Variants in CCR6 observed in about 807,000 individuals in gnomAD.
CCR6 encodes C-C chemokine receptor type 6.
Under a neutral mutation model 3.0 loss-of-function variants are expected in CCR6, and 2 were observed. That is an observed-to-expected ratio of 0.66 (90% confidence interval 0.27 to 2.07). CCR6 has a LOEUF of 2.07. Among genes scored for constraint, CCR6 ranks in the 30% most tolerant of loss-of-function variants. The pLI is 0.14. For missense variants in CCR6, 322 were observed against 462.8 expected (o/e 0.70, Z 2.79); for synonymous variants, 193 against 184.3 (o/e 1.05, Z -0.38).
At chr6:167,121,411 C>G (rs1180374054), upstream of CCR6, 3 of 152,256 alleles carry the variant, frequency 2.0e-5, no homozygotes, top group Admixed American at 2.0e-4. Context: ...GGCTTACTTT[C>G]TTACCTTCAC....
At chr6:167,132,116 G>A (rs975354890) in intron 1 of CCR6, among the ~76,000 whole-genome samples, 27 of 152,182 alleles carry the variant, frequency 1.8e-4, no homozygotes, top group African/African-American at 6.5e-4. Context: ...TTCTTACCGA[G>A]CGAAGGTTTT....
At chr6:167,113,191 C>T (rs1009065214) in intron 1 of CCR6, among the ~76,000 whole-genome samples, 8 of 152,072 alleles carry the variant, frequency 5.3e-5, no homozygotes, top group Non-Finnish European at 7.4e-5. Flanking sequence ...ATAGATACCA[C>T]GAAGCCTGTA....
rs1189078052 is a variant in CCR6, at chr6:167,136,031, T to G, written c.-97-7T>G. On this transcript the variant is annotated splice_region_variant and splice_polypyrimidine_tract_variant and intron_variant, in intron 1 of 2. Coordinates refer to ENST00000341935, the MANE Select transcript of CCR6 (RefSeq NM_031409.4). The surrounding 1 kb of genome is among the most constrained non-coding windows in gnomAD (Gnocchi z 4.6). ...CTGTAGTGCATTTTGCCTTCTTTCC[T>G]TCTTAGAGTCACCTCTACTTTCCTG... The G allele has an allele frequency of 7.4e-7, 1 of 1,353,012 alleles. No homozygotes were observed. Among genetic ancestry groups the G allele is most frequent in the Non-Finnish European group, 1.0e-6 (1 of 975,918 alleles). The allele number at this position is 1,353,012 out of a possible 1,614,324, so 83.8% of individuals were successfully genotyped here.
intron 1 of CCR6, among the ~76,000 whole-genome samples, chr6:167,132,987 G>A (rs546266275): frequency 4.8e-4 from 73 of 152,284 alleles, no homozygotes; most frequent in African/African-American, 1.7e-3. Flanking sequence ...TTTTGATAGG[G>A]AGTTGTAAAA....
At chr6:167,117,537 C>T (rs1472401301) in intron 1 of CCR6, among the ~76,000 whole-genome samples, 7 of 151,178 alleles carry the variant, frequency 4.6e-5, no homozygotes, top group Non-Finnish European at 8.8e-5. Flanking sequence ...CTGCCTCAGC[C>T]TCCCGAGTAG....
Position 167,137,433 on chromosome 6 carries a change from T to C in CCR6, c.*78T>C, listed in dbSNP as rs55838414. The C allele has an allele frequency of 7.0e-7, 1 of 1,423,282 alleles. No homozygotes were observed. Among genetic ancestry groups the C allele is most frequent in the Non-Finnish European group, 9.5e-7 (1 of 1,054,014 alleles). The allele number at this position is 1,423,282 out of a possible 1,614,324, so 88.2% of individuals were successfully genotyped here. Reference sequence around the variant, plus strand: ...GCAAAAAAAAGTCTATGGCCAGGTATGCATGGAAAATGTGGGAATTAAGCA... The same window carrying C: ...GCAAAAAAAAGTCTATGGCCAGGTACGCATGGAAAATGTGGGAATTAAGCA... On this transcript the variant is annotated 3_prime_UTR_variant, in exon 3 of 3. Transcript: ENST00000341935. The surrounding 1 kb of genome is among the most constrained non-coding windows in gnomAD (Gnocchi z 4.6).
intron 1 of CCR6, chr6:167,126,511 T>TTGG (rs1781671084): frequency 6.6e-6 from 1 of 152,298 alleles, no homozygotes; most frequent in Non-Finnish European, 1.5e-5. Flanking sequence ...CCACATTCCC[T>TTGG]GGGTCAGGCA....
In CCR6 at chr6:167,132,464, C is replaced by T. The variant is rs187744646; in HGVS notation, c.-97-3574C>T. On this transcript the variant is annotated intron_variant, in intron 1 of 2. Transcript: ENST00000341935. ...GTGAGAGCCCCAGATGCACCATGTC[C>T]TCTCCCAGCTTCCAGCCCCCTGTTT... is the stretch of plus-strand genomic sequence containing the variant. Among the ~76,000 whole-genome samples, 9 of 152,262 alleles carry T rather than the reference C, an allele frequency of 5.9e-5. No homozygotes were observed. The East Asian group carries it at 1.7e-3, about 29-fold the overall frequency.
chr6:167,126,494 C>T (rs536313449), intron 1 of CCR6: 2 of 152,382 alleles, frequency 1.3e-5, no homozygotes, highest in South Asian at 4.1e-4. Flanking sequence ...CTTGGTGGCA[C>T]CCCTTGCCAC....
chr6:167,122,374 TGTC>T (rs1781602743), upstream of CCR6, among the ~76,000 whole-genome samples: 1 of 152,236 alleles, frequency 6.6e-6, no homozygotes, highest in Admixed American at 6.5e-5. The surrounding 1 kb of genome is among the most constrained non-coding windows in gnomAD (Gnocchi z 4.2). Flanking sequence ...CTGAGTGACT[TGTC>T]GTCAGCTGCT....
Position 167,138,618 on chromosome 6 carries a change from A to G in CCR6, c.*1263A>G, listed in dbSNP as rs1228579116. Reference sequence around the variant, plus strand: ...AAATAGCAACTTGTGTTACAAAAATACAAACACATGTTAGGAAGGTACTGT... The same window carrying G: ...AAATAGCAACTTGTGTTACAAAAATGCAAACACATGTTAGGAAGGTACTGT... On this transcript the variant is annotated 3_prime_UTR_variant, in exon 3 of 3. Transcript: ENST00000341935. 2 of 152,360 alleles carry G rather than the reference A, an allele frequency of 1.3e-5. No homozygotes were observed. The highest frequency in any genetic ancestry group is 2.9e-5 in the Non-Finnish European group (2 of 68,044). The allele number at this position is 152,360 out of a possible 1,614,324, so 9.4% of individuals were successfully genotyped here. A position where few individuals can be genotyped will look rare whatever the true frequency, so the allele number is the denominator to read the frequency against.
intron 1 of CCR6, among the ~76,000 whole-genome samples, chr6:167,124,428 T>C (rs1260720177): frequency 6.6e-6 from 1 of 152,158 alleles, no homozygotes; most frequent in African/African-American, 2.4e-5. Context: ...TAAAAAGGTA[T>C]AAAATATGGT....
rs752139739 is a variant in CCR6, at chr6:167,137,230, C to G, written c.1000C>G (p.Leu334Val). The G allele has an allele frequency of 1.9e-6, 3 of 1,614,124 alleles. No homozygotes were observed. The South Asian group carries it at 3.3e-5, about 18-fold the overall frequency. Residue 334 changes from leucine (L) to valine (V), a missense_variant, in exon 3 of 3, where the codon CTG becomes GTG. By Grantham distance (32) the Leu-to-Val change is conservative. Coordinates refer to ENST00000341935, the MANE Select transcript of CCR6 (RefSeq NM_031409.4). This position sits in a 1 kb window ranked among gnomAD's most constrained non-coding sequence, Gnocchi z 4.6. ...RNYFLKILKD[L>V]WCVRRKYKSS... ...CTACTTTCTGAAGATCTTGAAGGAC[C>G]TGTGGTGTGTGAGAAGGAAGTACAA...
chr6:167,136,694 G>A lies in CCR6; in HGVS notation c.464G>A (p.Arg155Gln), dbSNP rs766902152. The A allele has an allele frequency of 1.9e-6, 3 of 1,613,926 alleles. No homozygotes were observed. The highest frequency in any genetic ancestry group is 2.2e-5 in the East Asian group (1 of 44,892). The change falls in exon 3 of 3, where the codon CGG becomes CAG. Residue 155 changes from arginine (R) to glutamine (Q), a missense_variant. Physicochemically the swap from Arg to Gln is conservative, Grantham distance 43. Coordinates refer to ENST00000341935, the MANE Select transcript of CCR6 (RefSeq NM_031409.4). The surrounding 1 kb of genome is among the most constrained non-coding windows in gnomAD (Gnocchi z 4.6). Reference protein sequence around the residue: ...IAIVQATKSFRLRSRTLPRSK... With the variant: ...IAIVQATKSFQLRSRTLPRSK... ...ATTGTACAGGCGACTAAGTCATTCC[G>A]GCTCCGATCCAGAACACTACCGCGC...
At chr6:167,119,766 T>C (rs1345880419), upstream of CCR6, among the ~76,000 whole-genome samples, 2 of 152,222 alleles carry the variant, frequency 1.3e-5, no homozygotes, top group Admixed American at 6.5e-5. Flanking sequence ...CTTTTTTAAC[T>C]TTTTTATGAA....
Position 167,137,762 on chromosome 6 carries a change from AT to A in CCR6, c.*408del, listed in dbSNP as rs2114941436. On this transcript the variant is annotated 3_prime_UTR_variant, in exon 3 of 3. Transcript: ENST00000341935. This position sits in a 1 kb window ranked among gnomAD's most constrained non-coding sequence, Gnocchi z 4.6. ...TTGAAAAACTAAAACAGAAAAAAAA[AT>A]GGAAGCCAACACATCACTCATTTTA... 6.0e-6 allele frequency: 1 copy of A among 165,938 alleles called. No homozygotes were observed. The highest frequency in any genetic ancestry group is 1.5e-4 in the South Asian group (1 of 6,526). 10.3% of individuals were successfully genotyped at this position (165,938 alleles called of 1,614,324 possible).
At chr6:167,116,728 C>G (rs1318881506) in intron 1 of CCR6, 1 of 152,256 alleles carries the variant, frequency 6.6e-6, no homozygotes, top group Non-Finnish European at 1.5e-5. Flanking sequence ...GAGAGGCACC[C>G]AGGGGTACCC....
At position 167,138,503 on chromosome 6, in the gene CCR6, G is replaced by T. The variant is rs1781884241; in HGVS notation, c.*1148G>T. The T allele has an allele frequency of 6.6e-6, 1 of 152,282 alleles. No homozygotes were observed. The highest frequency in any genetic ancestry group is 1.5e-5 in the Non-Finnish European group (1 of 68,036). 9.4% of individuals were successfully genotyped at this position (152,282 alleles called of 1,614,324 possible). A position where few individuals can be genotyped will look rare whatever the true frequency, so the allele number is the denominator to read the frequency against. ...TTAAAGGGGTCTGAAATTTGTGATG[G>T]AATCAGATTTTAACAGCTCTCTTCA... On this transcript the variant is annotated 3_prime_UTR_variant, in exon 3 of 3. Coordinates refer to ENST00000341935, the MANE Select transcript of CCR6 (RefSeq NM_031409.4).
In CCR6 at chr6:167,137,349, T is replaced by C; in HGVS notation, c.1119T>C (p.Thr373=). The change falls in exon 3 of 3, where the codon ACT becomes ACC. Residue 373 remains threonine, a synonymous_variant. Coordinates refer to ENST00000341935, the MANE Select transcript of CCR6 (RefSeq NM_031409.4). This position sits in a 1 kb window ranked among gnomAD's most constrained non-coding sequence, Gnocchi z 4.6. ...ATAACGACAATGCGTCGTCCTTCAC[T>C]ATGTGATAGAAAGCTGAGTCTCCCT... is the stretch of plus-strand genomic sequence containing the variant. ...TADNDNASSF[T]M 1.9e-6 allele frequency: 3 copies of C among 1,608,814 alleles called. No individual in the cohort carries two copies. Among genetic ancestry groups the C allele is most frequent in the Non-Finnish European group, 2.5e-6 (3 of 1,178,346 alleles).
Sources: allele counts gnomAD v4.1 joint callset (sites outside exome capture counted in the v4.1 genomes callset), GRCh38; gene constraint gnomAD v4.1.1; non-coding constraint Gnocchi (gnomAD v3.1); transcripts MANE v1.5; gene names NCBI Gene and HGNC (gene_info 2026-07-23, HGNC 2026-07-21).